The following GPM6A variants were observed in gnomAD, a reference collection of about 807,000 sequenced individuals.
The protein encoded by GPM6A is glycoprotein M6A, also known as neuronal membrane glycoprotein M6-a.
GPM6A carries 7 observed loss-of-function variants against 32.1 expected under a neutral mutation model. That is an observed-to-expected ratio of 0.22 (90% CI 0.12 to 0.41). The LOEUF (loss-of-function observed/expected upper bound fraction) is 0.41, where lower values mean the gene tolerates loss of function less well. Ranked by LOEUF, GPM6A falls within the 10% of genes least tolerant of loss-of-function variation. The pLI is 1.00. For missense variants in GPM6A, 235 were observed against 347.2 expected, an observed-to-expected ratio of 0.68 and a Z score of 2.57; for synonymous variants, 130 against 123.4, an observed-to-expected ratio of 1.05 and a Z score of -0.35.
chr4:175,900,506 A>AAG (rs1370713336), intron 1 of GPM6A, among the ~76,000 whole-genome samples: 1 of 151,812 alleles, frequency 6.6e-6, no homozygotes, highest in Admixed American at 6.6e-5. Flanking sequence ...GCAAAAAAAA[A>AAG]AGCATATGAA....
At chr4:175,702,288 T>A (rs1224393536) in intron 1 of GPM6A, among the ~76,000 whole-genome samples, 1 of 152,194 alleles carries the variant, frequency 6.6e-6, no homozygotes, top group African/African-American at 2.4e-5. Flanking sequence ...AATTGGGATA[T>A]CCACCGCCTA....
chr4:175,890,643 C>T (rs1353275051), intron 1 of GPM6A, among the ~76,000 whole-genome samples: 3 of 151,830 alleles, frequency 2.0e-5, no homozygotes, highest in East Asian at 1.9e-4. Context: ...CATGGCCCAC[C>T]GCAGCCTCTA....
intron 1 of GPM6A, among the ~76,000 whole-genome samples, chr4:175,857,677 ACT>A (rs964296291): frequency 4.4e-4 from 67 of 152,142 alleles, no homozygotes; most frequent in African/African-American, 1.5e-3. Flanking sequence ...GTTTTTAGAA[ACT>A]CTCTGCAAAT....
chr4:175,819,497 C>A (rs1419949962), intron 1 of GPM6A, among the ~76,000 whole-genome samples: 1 of 152,186 alleles, frequency 6.6e-6, no homozygotes, highest in African/African-American at 2.4e-5. Flanking sequence ...ATACTCAGCA[C>A]TTCACATGTG....
At chr4:175,847,103 G>T (rs1393973616) in intron 1 of GPM6A, among the ~76,000 whole-genome samples, 1 of 152,150 alleles carries the variant, frequency 6.6e-6, no homozygotes. Context: ...AACTCAGGCT[G>T]GAAGTAGAAA....
chr4:175,682,199 C>T (rs1743726347), intron 2 of GPM6A, among the ~76,000 whole-genome samples: 1 of 152,104 alleles, frequency 6.6e-6, no homozygotes, highest in Non-Finnish European at 1.5e-5. Flanking sequence ...GAAGTTTGAA[C>T]TTCAAAGTGA....
chr4:175,650,310 A>ATTTG (rs955990151), intron 4 of GPM6A, among the ~76,000 whole-genome samples: 2 of 58,188 alleles, frequency 3.4e-5, no homozygotes, highest in Admixed American at 3.6e-4. Context: ...TTATTTATTT[A>ATTTG]TTTATTTATT....
chr4:175,788,951 T>G (rs975208840), intron 1 of GPM6A, among the ~76,000 whole-genome samples: 3 of 152,160 alleles, frequency 2.0e-5, no homozygotes, highest in African/African-American at 7.2e-5. Flanking sequence ...AATGAAACAC[T>G]GCTGGTTTCA....
In GPM6A at chr4:175,692,702, CTT is replaced by C. The variant is rs1237353159; in HGVS notation, c.230+8871_230+8872del. On this transcript the variant is annotated intron_variant, in intron 2 of 6. Transcript: ENST00000393658. ...AGTATGTCAAATACATAAATATTTT[CTT>C]TTGTGATTTACTATATTGCTTGTAT... Among the ~76,000 whole-genome samples the C allele has an allele frequency of 2.0e-5, 3 of 151,774 alleles. No homozygotes were observed. In the East Asian group the frequency reaches 5.8e-4, roughly 29 times the overall value.
At chr4:175,811,242 G>C (rs1290207431) in intron 1 of GPM6A, among the ~76,000 whole-genome samples, 1 of 151,994 alleles carries the variant, frequency 6.6e-6, no homozygotes, top group Admixed American at 6.6e-5. Flanking sequence ...AATTAACTTT[G>C]ACAGCTGAAT....
At chr4:175,711,836 T>C (rs1049762447) in intron 1 of GPM6A, among the ~76,000 whole-genome samples, 2 of 152,110 alleles carry the variant, frequency 1.3e-5, no homozygotes, top group Admixed American at 6.5e-5. Context: ...ATTTCCTTTT[T>C]CCTTTTCGCT....
chr4:175,886,758 A>C (rs200771784), intron 1 of GPM6A, among the ~76,000 whole-genome samples: 11 of 138,700 alleles, frequency 7.9e-5, no homozygotes, highest in African/African-American at 2.1e-4. Context: ...CACACACACA[A>C]ACACACACCA....
chr4:175,935,018 T>G (rs891830329), intron 1 of GPM6A, among the ~76,000 whole-genome samples: 4 of 152,242 alleles, frequency 2.6e-5, no homozygotes, highest in Admixed American at 2.0e-4. Flanking sequence ...GTTTGTTATT[T>G]AAGAAGGAAT....
At chr4:175,964,803 C>G (rs1389951232) in intron 1 of GPM6A, among the ~76,000 whole-genome samples, 2 of 152,148 alleles carry the variant, frequency 1.3e-5, no homozygotes, top group Non-Finnish European at 2.9e-5. Flanking sequence ...ACAGTACAGA[C>G]ATCAGAGCAA....
chr4:175,639,528 G>A (rs1221348566), intron 6 of GPM6A, among the ~76,000 whole-genome samples: 3 of 152,104 alleles, frequency 2.0e-5, no homozygotes, highest in Non-Finnish European at 4.4e-5. Context: ...GCTCAGGGTT[G>A]ATATTTGGCA....
intron 2 of GPM6A, 25 bp from the exon 3 acceptor site, chr4:175,673,861 A>G: frequency 6.4e-7 from 1 of 1,552,192 alleles, no homozygotes; most frequent in East Asian, 2.3e-5. Context: ...AAAGTGATTT[A>G]TTTCAATAAC....
At chr4:175,934,641 A>G (rs891903819) in intron 1 of GPM6A, among the ~76,000 whole-genome samples, 7 of 152,224 alleles carry the variant, frequency 4.6e-5, no homozygotes, top group Non-Finnish European at 8.8e-5. Flanking sequence ...TTTGAAATTA[A>G]CTAGCTCAAT....
At chr4:175,733,446 T>C (rs1055660769) in intron 1 of GPM6A, among the ~76,000 whole-genome samples, 2 of 152,166 alleles carry the variant, frequency 1.3e-5, no homozygotes, top group African/African-American at 4.8e-5. Context: ...GAAGTTGCAG[T>C]GAGCCAAGAT....
intron 1 of GPM6A, among the ~76,000 whole-genome samples, chr4:175,745,228 T>C (rs1732054929): frequency 6.6e-6 from 1 of 152,160 alleles, no homozygotes; most frequent in Admixed American, 6.6e-5. Context: ...GTGTCTGCTT[T>C]TTAAACATCG....
Sources: gnomAD v4.1 joint callset for allele counts (sites outside exome capture counted in the v4.1 genomes callset) on GRCh38, gnomAD v4.1.1 for gene constraint, MANE v1.5 for transcripts, NCBI Gene and HGNC (gene_info 2026-07-23, HGNC 2026-07-21) for gene names.